The following PRR16 variants were observed in gnomAD, a reference collection of about 807,000 sequenced individuals.
The protein encoded by PRR16 is proline rich 16.
PRR16 carries 6 observed loss-of-function variants against 18.2 expected under a neutral mutation model. That is an observed-to-expected ratio of 0.33 (90% confidence interval 0.18 to 0.65). The LOEUF (loss-of-function observed/expected upper bound fraction) is 0.65. Ranked by LOEUF, PRR16 falls within the 30% of genes least tolerant of loss-of-function variation. The pLI is 0.74. For synonymous variants in PRR16, 151 were observed against 147.8 expected (o/e 1.02, Z -0.16); for missense variants, 412 against 376.6 (o/e 1.09, Z -0.78).
At chr5:120,709,245 G>A in the PRR16 span, among the ~76,000 whole-genome samples, 1 of 151,844 alleles carries the variant, frequency 6.6e-6, no homozygotes, top group Non-Finnish European at 1.5e-5. Context: ...CTGACCTCGT[G>A]ATCTGCCCGC....
At chr5:120,467,744 C>G (rs959300573) in intron 1 of PRR16, among the ~76,000 whole-genome samples, 29 of 152,186 alleles carry the variant, frequency 1.9e-4, no homozygotes, top group African/African-American at 6.5e-4. Flanking sequence ...AGCAGAGGAA[C>G]AGGCTTTCTA....
the PRR16 span, among the ~76,000 whole-genome samples, chr5:120,735,867 T>C: frequency 1.3e-5 from 2 of 152,210 alleles, no homozygotes; most frequent in East Asian, 3.8e-4. Flanking sequence ...ATTGCCTGTG[T>C]TTTTGTGTTA....
At chr5:120,525,793 A>T (rs1444400346) in intron 1 of PRR16, among the ~76,000 whole-genome samples, 1 of 152,138 alleles carries the variant, frequency 6.6e-6, no homozygotes, top group Non-Finnish European at 1.5e-5. Context: ...AGCCTTTAGG[A>T]GGACCCGGGA....
chr5:120,731,197 G>C, the PRR16 span, among the ~76,000 whole-genome samples: 1 of 152,102 alleles, frequency 6.6e-6, no homozygotes, highest in African/African-American at 2.4e-5. Flanking sequence ...AAAAAATAGA[G>C]ATATATGTGG....
chr5:120,629,107 C>T (rs1176530358), intron 1 of PRR16, among the ~76,000 whole-genome samples: 2 of 151,992 alleles, frequency 1.3e-5, no homozygotes, highest in African/African-American at 4.8e-5. Context: ...ATGTTTAGCT[C>T]CCACTTATGA....
the PRR16 span, among the ~76,000 whole-genome samples, chr5:120,733,052 C>T: frequency 1.3e-5 from 2 of 152,152 alleles, no homozygotes; most frequent in African/African-American, 4.8e-5. Context: ...CCTCACCCAA[C>T]ATACAATGTG....
chr5:120,560,531 G>T (rs1207233432), intron 1 of PRR16, among the ~76,000 whole-genome samples: 4 of 151,640 alleles, frequency 2.6e-5, no homozygotes, highest in Admixed American at 2.6e-4. Context: ...TGTTGAATTT[G>T]GTTTGCTAGT....
the PRR16 span, among the ~76,000 whole-genome samples, chr5:120,704,309 T>G: frequency 2.6e-5 from 4 of 152,166 alleles, no homozygotes; most frequent in African/African-American, 9.7e-5. Context: ...CTGGTTTCTA[T>G]GAGTGTGGGA....
chr5:120,781,286 A>G, the PRR16 span: 1 of 152,088 alleles, frequency 6.6e-6, no homozygotes, highest in Non-Finnish European at 1.5e-5. Flanking sequence ...AAACATACAA[A>G]TTTTTAAAAT....
In PRR16 at chr5:120,613,727, C is replaced by T. The variant is rs191738794; in HGVS notation, c.160-72227C>T. 2.5e-3 allele frequency among the ~76,000 whole-genome samples: 375 copies of T among 152,218 alleles called. 1 individual carries two copies. The highest frequency in any genetic ancestry group is 3.5e-3 in the Non-Finnish European group (237 of 67,998). Reference sequence around the variant, plus strand: ...CTTTTCCTTTAAGGCACTAACACATCGTTTAGATGATGGCCACTAATAATG... The same window carrying T: ...CTTTTCCTTTAAGGCACTAACACATTGTTTAGATGATGGCCACTAATAATG... On this transcript the variant is annotated intron_variant, in intron 1 of 1. Transcript: ENST00000407149.
the PRR16 span, chr5:120,710,948 T>G: frequency 1.3e-5 from 2 of 151,372 alleles, no homozygotes; most frequent in East Asian, 3.9e-4. Context: ...CACTCTTTTT[T>G]TTTTCCCCCC....
chr5:120,701,877 G>A, the PRR16 span, among the ~76,000 whole-genome samples: 3 of 152,170 alleles, frequency 2.0e-5, no homozygotes, highest in African/African-American at 7.2e-5. Flanking sequence ...TTTAGATCTT[G>A]CAGGATGGAA....
downstream of PRR16, among the ~76,000 whole-genome samples, chr5:120,687,943 T>G (rs983439189): frequency 2.0e-5 from 3 of 152,218 alleles, no homozygotes; most frequent in African/African-American, 7.2e-5. Context: ...TGAGTTTCTC[T>G]CCCCTAGAGT....
chr5:120,671,227 A>G (rs1756592058), intron 1 of PRR16, among the ~76,000 whole-genome samples: 1 of 152,100 alleles, frequency 6.6e-6, no homozygotes, highest in Non-Finnish European at 1.5e-5. Context: ...TATTGTGCCT[A>G]ATGTGTTGCC....
At chr5:120,655,195 A>G (rs1020416845) in intron 1 of PRR16, among the ~76,000 whole-genome samples, 40 of 151,826 alleles carry the variant, frequency 2.6e-4, no homozygotes, top group Non-Finnish European at 4.3e-4. Context: ...GCCTGTGGTA[A>G]TGATAAATAT....
At chr5:120,641,574 CACACAGGATTCTTGCAAAA>C (rs1755424014) in intron 1 of PRR16, among the ~76,000 whole-genome samples, 1 of 152,164 alleles carries the variant, frequency 6.6e-6, no homozygotes, top group South Asian at 2.1e-4. Context: ...AAATGAACCC[CACACAGGATTCTTGCAAAA>C]GAATGCTACC....
At chr5:120,464,687 A>T (rs1292446956) in intron 1 of PRR16, 42 bp downstream of exon 1, 1 of 1,494,650 alleles carries the variant, frequency 6.7e-7, no homozygotes, top group East Asian at 2.5e-5. Context: ...GCACCCTTCG[A>T]CCCCTCCGGG....
chr5:120,547,986 T>A (rs1321476547), intron 1 of PRR16, among the ~76,000 whole-genome samples: 1 of 152,078 alleles, frequency 6.6e-6, no homozygotes, highest in Non-Finnish European at 1.5e-5. Flanking sequence ...TTATGATGAA[T>A]AACTATGATA....
chr5:120,516,604 G>A (rs1751003943), intron 1 of PRR16, among the ~76,000 whole-genome samples: 1 of 152,016 alleles, frequency 6.6e-6, no homozygotes, highest in Admixed American at 6.6e-5. Flanking sequence ...GAATGCTGCA[G>A]AGAAAAGTAT....
Sources: gnomAD v4.1 joint callset for allele counts (sites outside exome capture counted in the v4.1 genomes callset) on GRCh38, gnomAD v4.1.1 for gene constraint, MANE v1.5 for transcripts, NCBI Gene and HGNC (gene_info 2026-07-23, HGNC 2026-07-21) for gene names.